ADAMTS7: variants seen among roughly 807,000 people sequenced by gnomAD.
ADAMTS7 encodes A disintegrin and metalloproteinase with thrombospondin motifs 7.
In ADAMTS7, 89 loss-of-function variants were observed where a neutral mutation model predicts 172.6. The ratio of observed to expected loss-of-function variants is 0.52; its 90% CI spans 0.43 to 0.61. The LOEUF (loss-of-function observed/expected upper bound fraction) is 0.61. Among genes scored for constraint, ADAMTS7 ranks in the 20% least tolerant of loss-of-function variants. The pLI is 0.00. For missense variants in ADAMTS7, 1,973 were observed against 2,355.6 expected, an observed-to-expected ratio of 0.84 and a Z score of 3.36; for synonymous variants, 885 against 978.4, an observed-to-expected ratio of 0.90 and a Z score of 1.78.
chr15:78,763,395 C>G (rs1424309325), intron 22 of ADAMTS7, among the ~76,000 whole-genome samples: 1 of 152,240 alleles, frequency 6.6e-6, no homozygotes, highest in African/African-American at 2.4e-5. Context: ...GCTCGTCATT[C>G]CTGCCTCAGA....
At chr15:78,807,765 T>C (rs1362036024) in intron 1 of ADAMTS7, among the ~76,000 whole-genome samples, 2 of 152,204 alleles carry the variant, frequency 1.3e-5, no homozygotes, top group African/African-American at 2.4e-5. Flanking sequence ...ACTTCTAAAG[T>C]ATATTTAGCT....
In ADAMTS7 at chr15:78,759,325, G is replaced by A. The variant is rs1291440217; in HGVS notation, c.*96C>T. ...CCCAGCCTGCTGCTGGGTAGTGAGA[G>A]GGGGTTAGCACCATTAGGGCGCAGG... On this transcript the variant is annotated 3_prime_UTR_variant, in exon 24 of 24. Transcript: ENST00000388820. The A allele has an allele frequency of 4.3e-5, 53 of 1,245,060 alleles. 1 individual carries two copies. Among genetic ancestry groups the A allele is most frequent in the Non-Finnish European group, 5.5e-5 (52 of 939,224 alleles). 77.1% of individuals were successfully genotyped at this position (1,245,060 alleles called of 1,614,324 possible). A position where few individuals can be genotyped will look rare whatever the true frequency, so the allele number is the denominator to read the frequency against.
intron 1 of ADAMTS7, among the ~76,000 whole-genome samples, chr15:78,804,096 A>G (rs554599868): frequency 2.0e-5 from 3 of 152,320 alleles, no homozygotes; most frequent in African/African-American, 7.2e-5. Context: ...ACTGGCCTAG[A>G]GCCACACAGT....
chr15:78,800,129 G>A, intron 2 of ADAMTS7, 63 bp downstream of exon 2: 10 of 1,429,418 alleles, frequency 7.0e-6, no homozygotes, highest in Non-Finnish European at 9.5e-6. Flanking sequence ...GGCAAGGCTA[G>A]AGCCAATCTG....
At position 78,776,854 on chromosome 15, in the gene ADAMTS7, G is replaced by C. The variant is rs1268699264; in HGVS notation, c.1468-13C>G. The C allele has an allele frequency of 7.8e-6, 12 of 1,534,064 alleles. No individual in the cohort carries two copies. Among genetic ancestry groups the C allele is most frequent in the Middle Eastern group, 2.2e-4 (1 of 4,538 alleles). On this transcript the variant is annotated splice_polypyrimidine_tract_variant and intron_variant, in intron 9 of 23. Coordinates refer to ENST00000388820, the MANE Select transcript of ADAMTS7 (RefSeq NM_014272.5). ...TGTGGCAGACATTCTGCGAGGAGGA[G>C]GGCATGGGCCATACCCTCACACCCT...
intron 22 of ADAMTS7, among the ~76,000 whole-genome samples, chr15:78,762,976 G>A (rs2055073362): frequency 6.6e-6 from 1 of 152,220 alleles, no homozygotes; most frequent in Non-Finnish European, 1.5e-5. Context: ...ATGGGCAGGA[G>A]GGCAGGAGAC....
At chr15:78,796,819 A>T in intron 3 of ADAMTS7, 33 bp from the exon 4 acceptor site, 1 of 1,575,412 alleles carries the variant, frequency 6.3e-7, no homozygotes, top group Non-Finnish European at 8.6e-7. Flanking sequence ...GTTAGCTGCC[A>T]GTGGACAGGC....
chr15:78,800,590 C>G (rs79913558), intron 1 of ADAMTS7, 43 bp from the exon 2 acceptor site: 56 of 1,546,544 alleles, frequency 3.6e-5, no homozygotes, highest in African/African-American at 1.4e-4. Flanking sequence ...AGGGCAGACC[C>G]GGGTCCTTGC....
rs1342073938 is a variant in ADAMTS7, at chr15:78,767,610, G to A, written c.2646-18C>T. 1 of 1,524,722 alleles carries A rather than the reference G, an allele frequency of 6.6e-7. No individual in the cohort carries two copies. The highest frequency in any genetic ancestry group is 2.0e-5 in the Admixed American group (1 of 49,938). 94.4% of individuals were successfully genotyped at this position (1,524,722 alleles called of 1,614,324 possible). A position where few individuals can be genotyped will look rare whatever the true frequency, so the allele number is the denominator to read the frequency against. ...CCCACCACCTGGCGAGGGCACACAGGTGGCATCAGTGTGGCATCAGACAGG... is the reference window on the plus strand; with the variant it reads ...CCCACCACCTGGCGAGGGCACACAGATGGCATCAGTGTGGCATCAGACAGG... On this transcript the variant is annotated intron_variant, in intron 17 of 23. Coordinates refer to ENST00000388820, the MANE Select transcript of ADAMTS7 (RefSeq NM_014272.5).
At position 78,759,621 on chromosome 15, in the gene ADAMTS7, G is replaced by T. The variant is rs753338392; in HGVS notation, c.4904-43C>A. The T allele has an allele frequency of 3.3e-6, 5 of 1,519,238 alleles. No individual in the cohort carries two copies. The South Asian group carries it at 6.2e-5, about 19-fold the overall frequency. 94.1% of individuals were successfully genotyped at this position (1,519,238 alleles called of 1,614,324 possible). ...AGAGGCATCAGAACCAGTAGCTTGG[G>T]GTACCCAGAACCTGGCTCCCTACGC... On this transcript the variant is annotated intron_variant, in intron 23 of 23. Transcript: ENST00000388820.
intron 8 of ADAMTS7, among the ~76,000 whole-genome samples, chr15:78,781,929 C>T (rs1255790549): frequency 1.3e-5 from 2 of 152,196 alleles, no homozygotes; most frequent in East Asian, 3.9e-4. Context: ...ACTTATTCCT[C>T]ATATCACATG....
chr15:78,769,423 A>G (rs1809411), intron 16 of ADAMTS7, among the ~76,000 whole-genome samples: 3 of 152,188 alleles, frequency 2.0e-5, no homozygotes, highest in African/African-American at 4.8e-5. Flanking sequence ...CAAGACAGCA[A>G]TGGGACCTGC....
In ADAMTS7 at chr15:78,771,545, C is replaced by T. The variant is rs759227806; in HGVS notation, c.2376+40G>A. On this transcript the variant is annotated intron_variant, in intron 15 of 23. Transcript: ENST00000388820. The surrounding 1 kb of genome is among the most constrained non-coding windows in gnomAD (Gnocchi z 4.9). ...TGGAGGGTGCTGGGCCTGGGGACTC[C>T]GCCTCTGCTCCCCCCGCCTGGGCCA... The T allele has an allele frequency of 1.5e-5, 23 of 1,564,010 alleles. No individual in the cohort carries two copies. The highest frequency in any genetic ancestry group is 7.0e-5 in the East Asian group (3 of 42,642).
Position 78,759,207 on chromosome 15 carries a change from T to G in ADAMTS7, c.*214A>C. The G allele has an allele frequency of 2.2e-6, 1 of 458,324 alleles. No homozygotes were observed. The highest frequency in any genetic ancestry group is 3.5e-5 in the East Asian group (1 of 28,212). 28.4% of individuals were successfully genotyped at this position (458,324 alleles called of 1,614,324 possible). On this transcript the variant is annotated 3_prime_UTR_variant, in exon 24 of 24. Transcript: ENST00000388820. ...ATCCAAGACGAAGTCACGCTGTGCT[T>G]TGGAATGGTAGATGCTCATTTATGT...
In ADAMTS7 at chr15:78,764,571, G is replaced by A. The variant is rs530614626; in HGVS notation, c.4403C>T (p.Ser1468Leu). The A allele has an allele frequency of 6.6e-5, 103 of 1,553,292 alleles. 2 individuals carry two copies. In the South Asian group the frequency reaches 1.2e-3, roughly 18 times the overall value. ...CTCACGCACCTTACTCCAGTTGCCTGAGTGCCAGGTGGCACAGGGCCGCAG... is the reference window on the plus strand; with the variant it reads ...CTCACGCACCTTACTCCAGTTGCCTAAGTGCCAGGTGGCACAGGGCCGCAG... Reference protein sequence around the residue: ...CHLRPCATWHSGNWSKCSRSC... With the variant: ...CHLRPCATWHLGNWSKCSRSC... Residue 1468 changes from serine to leucine, a missense_variant, in exon 20 of 24, where the codon TCA becomes TTA. Coordinates refer to ENST00000388820, the MANE Select transcript of ADAMTS7 (RefSeq NM_014272.5).
chr15:78,800,161 G>A (rs1423911970), intron 2 of ADAMTS7, 31 bp downstream of exon 2: 2 of 1,560,842 alleles, frequency 1.3e-6, no homozygotes, highest in Non-Finnish European at 1.7e-6. Flanking sequence ...ACCCGAGACT[G>A]CCCCAAGTAT....
At chr15:78,793,949 CTT>C (rs796231568) in intron 4 of ADAMTS7, among the ~76,000 whole-genome samples, 1 of 152,198 alleles carries the variant, frequency 6.6e-6, no homozygotes, top group Non-Finnish European at 1.5e-5. Context: ...CTCTCTGAAT[CTT>C]TGTTTCCTCA....
Position 78,766,701 on chromosome 15 carries a change from G to A in ADAMTS7, c.3210C>T (p.Ile1070=). ...CGTAGGACAGATCCTCGTGGAAATT[G>A]ATGAAATTGTAGTCGTAGTAGAAGT... The part of the protein sequence containing the change: ...VDDFYYDYNF[I]NFHEDLSYGP... The change falls in exon 19 of 24, where the codon ATC becomes ATT. Residue 1070 remains isoleucine, a synonymous_variant. Transcript: ENST00000388820. 1 of 1,610,960 alleles carries A rather than the reference G, an allele frequency of 6.2e-7. No individual in the cohort carries two copies. The highest frequency in any genetic ancestry group is 8.5e-7 in the Non-Finnish European group (1 of 1,179,836).
chr15:78,783,612 A>T (rs762042875), intron 8 of ADAMTS7, among the ~76,000 whole-genome samples: 46 of 152,118 alleles, frequency 3.0e-4, no homozygotes, highest in African/African-American at 8.5e-4. Context: ...ATATTTTTTT[A>T]AAAATAACCC....
Sources: allele counts gnomAD v4.1 joint callset (sites outside exome capture counted in the v4.1 genomes callset), GRCh38; gene constraint gnomAD v4.1.1; non-coding constraint Gnocchi (gnomAD v3.1); transcripts MANE v1.5; gene names NCBI Gene and HGNC (gene_info 2026-07-23, HGNC 2026-07-21).